Variants in TNR observed in about 807,000 individuals in gnomAD.
TNR encodes tenascin R.
In TNR, 45 loss-of-function variants were observed where a neutral mutation model predicts 150.4. The ratio of observed to expected loss-of-function variants is 0.30; its 90% CI spans 0.24 to 0.38. The LOEUF is 0.38. Among genes scored for constraint, TNR ranks in the 10% least tolerant of loss-of-function variants. TNR has a pLI of 1.00. For synonymous variants in TNR, 687 were observed against 678.4 expected, an observed-to-expected ratio of 1.01 and a Z score of -0.20; for missense variants, 1,544 against 1,759.1, an observed-to-expected ratio of 0.88 and a Z score of 2.19.
chr1:175,362,753 T>C lies in TNR; in HGVS notation c.2764A>G (p.Arg922Gly). Residue 922 changes from arginine (R) to glycine (G), a missense_variant, in exon 14 of 23, where the codon AGA becomes GGA. Physicochemically the swap from Arg to Gly is moderately radical, Grantham distance 125. Transcript: ENST00000367674. ...TCGTATTCGGTAGCTGGGTTCAGTC[T>C]GGTGATGGTGAATTCTGTCACAGTG... ...PNTVTEFTIT[R>G]LNPATEYEIS... The C allele has an allele frequency of 6.2e-7, 1 of 1,614,156 alleles. No individual in the cohort carries two copies. Among genetic ancestry groups the C allele is most frequent in the Non-Finnish European group, 8.5e-7 (1 of 1,179,994 alleles).
chr1:175,324,912 C>T (rs937636117), intron 21 of TNR, among the ~76,000 whole-genome samples: 1 of 152,158 alleles, frequency 6.6e-6, no homozygotes, highest in African/African-American at 2.4e-5. Flanking sequence ...TAGGGCACCA[C>T]CATGCAGCCT....
chr1:175,470,847 G>A (rs1657254296), intron 2 of TNR, among the ~76,000 whole-genome samples: 1 of 152,162 alleles, frequency 6.6e-6, no homozygotes, highest in African/African-American at 2.4e-5. Flanking sequence ...CAGTGGCCAT[G>A]TTCTGCACCA....
intron 2 of TNR, among the ~76,000 whole-genome samples, chr1:175,438,649 C>T (rs1433013072): frequency 6.6e-6 from 1 of 152,212 alleles, no homozygotes; most frequent in African/African-American, 2.4e-5. Flanking sequence ...AGCCCAAAAT[C>T]TCCTTAAGCT....
chr1:175,376,078 G>C (rs944812636), intron 9 of TNR, among the ~76,000 whole-genome samples: 1 of 152,000 alleles, frequency 6.6e-6, no homozygotes, highest in South Asian at 2.1e-4. Flanking sequence ...CCTTGAAGCA[G>C]GGGTCCTAAA....
At chr1:175,605,323 G>A (rs1663373279) in intron 1 of TNR, among the ~76,000 whole-genome samples, 1 of 152,192 alleles carries the variant, frequency 6.6e-6, no homozygotes, top group African/African-American at 2.4e-5. Context: ...ACTGTTGAGA[G>A]GTTTGTATGA....
intron 2 of TNR, among the ~76,000 whole-genome samples, chr1:175,462,576 T>G (rs569942854): frequency 6.6e-6 from 1 of 152,314 alleles, no homozygotes; most frequent in East Asian, 1.9e-4. Flanking sequence ...CAGCCGACAC[T>G]CTGAGAGCTG....
At chr1:175,681,385 G>T (rs1322513873) in intron 1 of TNR, among the ~76,000 whole-genome samples, 1 of 152,192 alleles carries the variant, frequency 6.6e-6, no homozygotes, top group Non-Finnish European at 1.5e-5. Flanking sequence ...ACCCAGAGGT[G>T]CAGGAAGTCA....
At chr1:175,513,026 C>T (rs140703205) in intron 2 of TNR, among the ~76,000 whole-genome samples, 1 of 152,324 alleles carries the variant, frequency 6.6e-6, no homozygotes, top group East Asian at 1.9e-4. Flanking sequence ...CTGGCCCCAA[C>T]TTACACCTAC....
At position 175,740,879 on chromosome 1, in the gene TNR, C is replaced by T. The variant is rs144110798; in HGVS notation, c.-165+2347G>A. Among the ~76,000 whole-genome samples, 5 of 152,312 alleles carry T rather than the reference C, an allele frequency of 3.3e-5. No individual in the cohort carries two copies. The East Asian group carries it at 9.7e-4, about 29-fold the overall frequency. On this transcript the variant is annotated intron_variant, in intron 1 of 22. Coordinates refer to ENST00000367674, the MANE Select transcript of TNR (RefSeq NM_003285.3). ...CCCAAAGCCAAGACATCCATGGCAA[C>T]ATGCCCCAGATAGGGTGGCTTCAGC...
At chr1:175,371,083 C>A (rs1278119933) in intron 9 of TNR, among the ~76,000 whole-genome samples, 2 of 101,596 alleles carry the variant, frequency 2.0e-5, no homozygotes, top group South Asian at 3.4e-4. Context: ...AAAAAAAAAC[C>A]ACATGTATCC....
chr1:175,449,071 A>G (rs955964117), intron 2 of TNR, among the ~76,000 whole-genome samples: 5 of 152,176 alleles, frequency 3.3e-5, no homozygotes, highest in Non-Finnish European at 7.3e-5. Flanking sequence ...ACATGGTAAT[A>G]GATTATGGGA....
In TNR at chr1:175,337,514, C is replaced by T; in HGVS notation, c.3534+14G>A. 6.2e-7 allele frequency: 1 copy of T among 1,612,456 alleles called. No homozygotes were observed. Among genetic ancestry groups the T allele is most frequent in the South Asian group, 1.1e-5 (1 of 90,998 alleles). On this transcript the variant is annotated intron_variant, in intron 19 of 22. Transcript: ENST00000367674. ...AGGACGCTTCTGTGCAAGGAGAGCA[C>T]AGATTGTACTTACAATCCAGCCGCC...
chr1:175,642,405 C>T (rs964876846), intron 1 of TNR, among the ~76,000 whole-genome samples: 7 of 152,172 alleles, frequency 4.6e-5, no homozygotes, highest in Non-Finnish European at 1.0e-4. Flanking sequence ...GGAGATTCTT[C>T]TGGAGAAGAA....
In TNR at chr1:175,460,630, C is replaced by T. The variant is rs188193942; in HGVS notation, c.-63-53853G>A. Among the ~76,000 whole-genome samples, 15 of 152,278 alleles carry T rather than the reference C, an allele frequency of 9.9e-5. No homozygotes were observed. The East Asian group carries it at 2.1e-3, about 22-fold the overall frequency. On this transcript the variant is annotated intron_variant, in intron 2 of 22. Transcript: ENST00000367674. The stretch of plus-strand genomic sequence containing the variant: ...TAAATGTGACCTCATTTAATTTTCA[C>T]GATAATGAGGCAAGAATTGTTACTC...
chr1:175,393,589 G>A (rs1369759416), intron 6 of TNR, among the ~76,000 whole-genome samples, 191 bp downstream of exon 6: 2 of 152,170 alleles, frequency 1.3e-5, no homozygotes, highest in African/African-American at 4.8e-5. Flanking sequence ...GGCTACTCTT[G>A]TCAGCAGGTC....
intron 21 of TNR, among the ~76,000 whole-genome samples, chr1:175,326,968 TA>T (rs1019098841): frequency 1.3e-5 from 2 of 150,884 alleles, no homozygotes; most frequent in Admixed American, 6.6e-5. Flanking sequence ...CTTTTACTTC[TA>T]TTTTTTTTTT....
rs1032289234 is a variant in TNR, at chr1:175,403,447, G to A, written c.669C>T (p.Ser223=). 8.1e-6 allele frequency: 13 copies of A among 1,614,070 alleles called. No individual in the cohort carries two copies. Among genetic ancestry groups the A allele is most frequent in the African/African-American group, 5.3e-5 (4 of 74,924 alleles). The change falls in exon 4 of 23, where the codon AGC becomes AGT. Residue 223 remains serine (S), a synonymous_variant. Transcript: ENST00000367674. ...CGGAACAGTCATCCCCGCTGTACTC[G>A]CTGTCACAGATGCACTGGCCATCCA... ...VCVDGQCICD[S]EYSGDDCSEL...
intron 2 of TNR, among the ~76,000 whole-genome samples, chr1:175,468,644 A>G (rs932117040): frequency 6.6e-6 from 1 of 152,172 alleles, no homozygotes; most frequent in Admixed American, 6.5e-5. Flanking sequence ...TTTAGTGTTC[A>G]GTATGACCCG....
At chr1:175,527,094 T>C (rs191074911) in intron 2 of TNR, among the ~76,000 whole-genome samples, 1 of 152,368 alleles carries the variant, frequency 6.6e-6, no homozygotes, top group East Asian at 1.9e-4. Context: ...ACACTGCCAG[T>C]GTTGCTTTCG....
Sources: allele counts gnomAD v4.1 joint callset (sites outside exome capture counted in the v4.1 genomes callset), GRCh38; gene constraint gnomAD v4.1.1; transcripts MANE v1.5; gene names NCBI Gene and HGNC (gene_info 2026-07-23, HGNC 2026-07-21).